Variants in SUCO observed in about 807,000 individuals in gnomAD.
SUCO encodes the protein SUN domain containing ossification factor, also known as SUN domain-containing ossification factor.
In SUCO, 57 loss-of-function variants were observed where a neutral mutation model predicts 148.1. The ratio of observed to expected loss-of-function variants is 0.38; its 90% CI spans 0.31 to 0.48. The LOEUF is 0.48. Ranked by LOEUF, SUCO falls within the 20% of genes least tolerant of loss-of-function variation. SUCO has a pLI of 0.96. For synonymous variants in SUCO, 470 were observed against 502.7 expected, an observed-to-expected ratio of 0.93 and a Z score of 0.87; for missense variants, 1,331 against 1,468.2, an observed-to-expected ratio of 0.91 and a Z score of 1.53.
At chr1:172,585,449 C>T (rs956352730) in intron 16 of SUCO, among the ~76,000 whole-genome samples, 1 of 152,024 alleles carries the variant, frequency 6.6e-6, no homozygotes, top group Admixed American at 6.6e-5. Context: ...GCCATCTTTT[C>T]CTTAGAGAAT....
intron 1 of SUCO, among the ~76,000 whole-genome samples, chr1:172,550,654 G>C (rs1478704494): frequency 6.6e-6 from 1 of 151,742 alleles, no homozygotes; most frequent in African/African-American, 2.4e-5. Flanking sequence ...TCTTATTTCA[G>C]ATCTATATAG....
At chr1:172,571,002 G>T (rs556655287) in intron 9 of SUCO, among the ~76,000 whole-genome samples, 1 of 152,214 alleles carries the variant, frequency 6.6e-6, no homozygotes, top group African/African-American at 2.4e-5. Context: ...ATGCGTAACT[G>T]CAAGAGGAGA....
At chr1:172,548,319 C>A (rs78881562) in intron 1 of SUCO, among the ~76,000 whole-genome samples, 5,604 of 151,748 alleles carry the variant, frequency 0.037, 354 homozygotes, top group African/African-American at 0.13. Context: ...TTACTATCTT[C>A]CCTTTATTGG....
Position 172,596,943 on chromosome 1 carries a change from G to A in SUCO, c.2914-3121G>A, listed in dbSNP as rs569688389. 4.8e-3 allele frequency among the ~76,000 whole-genome samples: 724 copies of A among 152,322 alleles called. 3 individuals are homozygous for A. The highest frequency in any genetic ancestry group is 0.017 in the African/African-American group (696 of 41,584). On this transcript the variant is annotated intron_variant, in intron 19 of 23. Coordinates refer to ENST00000263688, the MANE Select transcript of SUCO (RefSeq NM_014283.5). ...AGCTGCGCTGGGCTCCACCCAGTTC[G>A]AGCTTCCTGGCTGCTTTGTTTACCT...
chr1:172,588,859 G>C lies in SUCO; in HGVS notation c.1758G>C (p.Glu586Asp), dbSNP rs900492687. ...PIVQLVQEEEEEASPSTVTLL... is the reference protein window; with the variant it reads ...PIVQLVQEEEDEASPSTVTLL... ...TACAGTTAGTTCAAGAGGAGGAAGA[G>C]GAGGCAAGTCCATCTACAGTGACCC... is the stretch of plus-strand genomic sequence containing the variant. The change falls in exon 18 of 24, where the codon GAG becomes GAC. Residue 586 changes from glutamate to aspartate, a missense_variant. This residue lies in a region of SUCO where 992 missense variants were observed against 1,093.5 expected (regional missense o/e 0.91). Coordinates refer to ENST00000263688, the MANE Select transcript of SUCO (RefSeq NM_014283.5). 10 of 1,613,040 alleles carry C rather than the reference G, an allele frequency of 6.2e-6. No individual in the cohort carries two copies. The highest frequency in any genetic ancestry group is 1.7e-5 in the Admixed American group (1 of 59,802).
chr1:172,541,004 A>AT (rs1437268358), intron 1 of SUCO, among the ~76,000 whole-genome samples: 31 of 152,044 alleles, frequency 2.0e-4, no homozygotes, highest in African/African-American at 7.0e-4. Flanking sequence ...ATTGTGCTAG[A>AT]TTTGTTTTTA....
rs780549437 is a variant in SUCO at position 172,588,785 on chromosome 1, C to A, written c.1684C>A (p.His562Asn). 1.3e-6 allele frequency: 2 copies of A among 1,549,406 alleles called. No individual in the cohort carries two copies. Among genetic ancestry groups the A allele is most frequent in the Non-Finnish European group, 1.7e-6 (2 of 1,149,952 alleles). Residue 562 changes from histidine to asparagine, a missense_variant, in exon 18 of 24, where the codon CAT (histidine) becomes AAT (asparagine). Physicochemically the swap from His to Asn is moderately conservative, Grantham distance 68. Transcript: ENST00000263688. ...PEYVTTEVHT[H>N]DMEPSTPDTP... The stretch of plus-strand genomic sequence containing the variant: ...GTATGTAACCACTGAAGTACACACA[C>A]ATGACATGGAGCCGTCAACACCAGA...
chr1:172,562,486 C>A (rs1654246383), intron 6 of SUCO, among the ~76,000 whole-genome samples: 1 of 152,108 alleles, frequency 6.6e-6, no homozygotes, highest in Non-Finnish European at 1.5e-5. Context: ...CGTGCACCAC[C>A]ATGCCCATCT....
intron 1 of SUCO, among the ~76,000 whole-genome samples, chr1:172,544,545 A>G (rs1440177609): frequency 2.0e-5 from 3 of 152,192 alleles, no homozygotes; most frequent in African/African-American, 7.2e-5. Context: ...TCTTGCCCCA[A>G]GAGAGAAGAA....
At chr1:172,558,270 G>T (rs1014700567) in intron 6 of SUCO, among the ~76,000 whole-genome samples, 1 of 152,158 alleles carries the variant, frequency 6.6e-6, no homozygotes, top group Non-Finnish European at 1.5e-5. Flanking sequence ...TTTAGAGTGT[G>T]ATTCTTATAA....
chr1:172,549,891 G>GAAA (rs60802914), intron 1 of SUCO, among the ~76,000 whole-genome samples: 9 of 143,876 alleles, frequency 6.3e-5, no homozygotes, highest in Admixed American at 2.1e-4. Flanking sequence ...TTCCTTCAGG[G>GAAA]AAAAAAAAAA....
intron 9 of SUCO, 131 bp from the exon 10 acceptor site, chr1:172,573,760 C>T (rs1655218859): frequency 8.8e-6 from 5 of 570,078 alleles, no homozygotes; most frequent in Admixed American, 3.7e-5. Context: ...ACTAAGGCTA[C>T]ATACCCTCCT....
At chr1:172,539,319 T>G (rs1652263976) in intron 1 of SUCO, among the ~76,000 whole-genome samples, 2 of 152,232 alleles carry the variant, frequency 1.3e-5, no homozygotes, top group Admixed American at 1.3e-4. Context: ...GAAACTTATC[T>G]ACATGTTTTA....
At chr1:172,606,422 A>G (rs570637079) in intron 22 of SUCO, among the ~76,000 whole-genome samples, 33 of 151,752 alleles carry the variant, frequency 2.2e-4, no homozygotes, top group East Asian at 9.6e-4. Flanking sequence ...AGAAGTATTA[A>G]TGTTTGCCAA....
intron 19 of SUCO, among the ~76,000 whole-genome samples, chr1:172,594,222 C>A (rs1656901669): frequency 6.6e-6 from 1 of 150,818 alleles, no homozygotes; most frequent in Non-Finnish European, 1.5e-5. Flanking sequence ...TTTCAAAAAA[C>A]CAGCTCCTGA....
At chr1:172,595,468 A>C (rs1657026000) in intron 19 of SUCO, among the ~76,000 whole-genome samples, 1 of 152,168 alleles carries the variant, frequency 6.6e-6, no homozygotes, top group African/African-American at 2.4e-5. Context: ...CTTGTAAGGC[A>C]GGCCTGGTGG....
intron 17 of SUCO, chr1:172,588,503 G>A (rs1656392024): frequency 1.0e-6 from 1 of 984,920 alleles, no homozygotes; most frequent in Non-Finnish European, 1.2e-6. Flanking sequence ...TTAAAAGAAA[G>A]CAAGTTTGAT....
chr1:172,556,149 A>G, intron 4 of SUCO, 126 bp downstream of exon 4: 2 of 656,994 alleles, frequency 3.0e-6, no homozygotes, highest in Non-Finnish European at 5.2e-6. Flanking sequence ...GACCTAAATT[A>G]CAGTGCTTGT....
Position 172,575,494 on chromosome 1 carries a change from G to T in SUCO, c.1158-24G>T, listed in dbSNP as rs1159407313. ...TATGTGGTTTATAATTTTTAAAAAA[G>T]AACATATTGCTTATATTTTTTAGAT... is the stretch of plus-strand genomic sequence containing the variant. On this transcript the variant is annotated intron_variant, in intron 10 of 23. Transcript: ENST00000263688. The T allele has an allele frequency of 4.0e-6, 6 of 1,499,858 alleles. No homozygotes were observed. The African/African-American group carries it at 8.4e-5, about 21-fold the overall frequency. The allele number at this position is 1,499,858 out of a possible 1,614,324, so 92.9% of individuals were successfully genotyped here.
Sources: allele counts gnomAD v4.1 joint callset (sites outside exome capture counted in the v4.1 genomes callset), GRCh38; gene constraint gnomAD v4.1.1; regional missense constraint gnomAD v4.1.1; transcripts MANE v1.5; gene names NCBI Gene and HGNC (gene_info 2026-07-23, HGNC 2026-07-21).